The following LRRTM4 variants were observed in gnomAD, a reference collection of about 807,000 sequenced individuals.
LRRTM4 encodes the protein leucine-rich repeat transmembrane neuronal protein 4.
A neutral mutation model predicts 47.6 loss-of-function variants in LRRTM4; 25 were observed. The observed-to-expected ratio is 0.53, with a 90% CI of 0.38 to 0.73. LRRTM4 has a LOEUF of 0.73. LRRTM4 is among the 30% of genes least tolerant of loss of function. The probability of loss-of-function intolerance (pLI) is 0.00; values close to 1 mark genes in which losing one functional copy is unlikely to be tolerated. For synonymous variants in LRRTM4, 311 were observed against 269.5 expected, an observed-to-expected ratio of 1.15 and a Z score of -1.51; for missense variants, 638 against 713.4, an observed-to-expected ratio of 0.89 and a Z score of 1.20.
intron 3 of LRRTM4, among the ~76,000 whole-genome samples, chr2:76,769,492 G>T (rs1673593355): frequency 6.6e-6 from 1 of 151,492 alleles, no homozygotes; most frequent in Non-Finnish European, 1.5e-5. Context: ...TTTCGGATTT[G>T]AGACGTCTCT....
At chr2:77,231,543 T>C (rs911375028) in intron 3 of LRRTM4, among the ~76,000 whole-genome samples, 3 of 152,076 alleles carry the variant, frequency 2.0e-5, no homozygotes, top group African/African-American at 4.8e-5. Context: ...TAAATGGACA[T>C]ATATAGAGAT....
At chr2:77,379,583 A>T (rs1441498837) in intron 3 of LRRTM4, among the ~76,000 whole-genome samples, 2 of 152,090 alleles carry the variant, frequency 1.3e-5, no homozygotes, top group Admixed American at 6.6e-5. Flanking sequence ...ATTTCACTAC[A>T]TGACTATCGA....
At chr2:77,281,048 A>G (rs1428976748) in intron 3 of LRRTM4, among the ~76,000 whole-genome samples, 2 of 151,930 alleles carry the variant, frequency 1.3e-5, no homozygotes, top group Non-Finnish European at 2.9e-5. Context: ...GTGAACCCAT[A>G]TTGAAGCAGA....
At chr2:77,039,725 T>C (rs1197425711) in intron 3 of LRRTM4, among the ~76,000 whole-genome samples, 1 of 151,292 alleles carries the variant, frequency 6.6e-6, no homozygotes, top group East Asian at 1.9e-4. Context: ...GTTCCCTTTT[T>C]TCATGTTAGT....
At position 77,519,719 on chromosome 2, in the gene LRRTM4, A is replaced by G. The variant is rs1679403765; in HGVS notation, c.150T>C (p.His50=). ...TGTTCTCAGGGATATCTGCGAAAGC[A>G]TGAGACTCACAGTACACAATTTTGC... ...CDGKIVYCES[H]AFADIPENIS... Residue 50 remains histidine, a synonymous_variant, in exon 3 of 4, where the codon CAT becomes CAC. Coordinates refer to ENST00000409884, the MANE Select transcript of LRRTM4 (RefSeq NM_001134745.3). This position sits in a 1 kb window ranked among gnomAD's most constrained non-coding sequence, Gnocchi z 4.6. 6.2e-7 allele frequency: 1 copy of G among 1,613,466 alleles called. No homozygotes were observed. The highest frequency in any genetic ancestry group is 8.5e-7 in the Non-Finnish European group (1 of 1,179,604).
chr2:77,013,949 G>A (rs1431309045), intron 3 of LRRTM4, among the ~76,000 whole-genome samples: 1 of 152,174 alleles, frequency 6.6e-6, no homozygotes, highest in Non-Finnish European at 1.5e-5. Context: ...ATTTAAGGGA[G>A]TTTGACAATA....
chr2:76,826,451 G>A (rs1015035687), intron 3 of LRRTM4, among the ~76,000 whole-genome samples: 2 of 151,596 alleles, frequency 1.3e-5, no homozygotes, highest in East Asian at 1.9e-4. Context: ...ACTATTAAGG[G>A]CAACACTGAG....
intron 3 of LRRTM4, among the ~76,000 whole-genome samples, chr2:77,184,850 C>T (rs1355090339): frequency 1.3e-5 from 2 of 152,046 alleles, no homozygotes; most frequent in Non-Finnish European, 2.9e-5. Flanking sequence ...TTTTTTACTT[C>T]TTACAATGTA....
At chr2:76,968,332 GTA>G (rs1320069509) in intron 3 of LRRTM4, among the ~76,000 whole-genome samples, 19 of 114,982 alleles carry the variant, frequency 1.7e-4, no homozygotes, top group East Asian at 8.4e-4. Context: ...ACAAAAGTGT[GTA>G]TGTGTGTATA....
chr2:76,898,103 TCTA>T (rs1298361473), intron 3 of LRRTM4, among the ~76,000 whole-genome samples: 1 of 152,182 alleles, frequency 6.6e-6, no homozygotes, highest in Non-Finnish European at 1.5e-5. Flanking sequence ...TGGTAAGCCA[TCTA>T]CTGAGTTATA....
intron 3 of LRRTM4, among the ~76,000 whole-genome samples, chr2:76,780,587 C>G (rs1046781176): frequency 2.4e-4 from 37 of 151,806 alleles, no homozygotes; most frequent in Non-Finnish European, 4.6e-4. Flanking sequence ...ACGTAGTTCT[C>G]GAGCCTTGGT....
rs1671296953 is a variant in LRRTM4 at position 76,829,801 on chromosome 2, G to T, written c.1552-80885C>A. Among the ~76,000 whole-genome samples the T allele has an allele frequency of 2.6e-5, 4 of 152,098 alleles. No individual in the cohort carries two copies. The South Asian group carries it at 8.3e-4, about 32-fold the overall frequency. On this transcript the variant is annotated intron_variant, in intron 3 of 3. Transcript: ENST00000409884. ...TTCTTGCTCTTCTCTCCCCTAAAGTGTGAGACCTCTGCCTTGCATTTTAAT... is the reference window on the plus strand; with the variant it reads ...TTCTTGCTCTTCTCTCCCCTAAAGTTTGAGACCTCTGCCTTGCATTTTAAT...
intron 3 of LRRTM4, among the ~76,000 whole-genome samples, chr2:76,981,793 G>C (rs1260233798): frequency 6.6e-6 from 1 of 151,918 alleles, no homozygotes; most frequent in Non-Finnish European, 1.5e-5. Flanking sequence ...CACCAGGCCA[G>C]CATCTTTTTT....
Position 77,178,616 on chromosome 2 carries a change from C to A in LRRTM4, c.1551+339702G>T, listed in dbSNP as rs565160618. Among the ~76,000 whole-genome samples, 17 of 152,092 alleles carry A rather than the reference C, an allele frequency of 1.1e-4. No individual in the cohort carries two copies. In the East Asian group the frequency reaches 1.4e-3, roughly 12 times the overall value. ...CAAACAACAACAACAACAACAACAA[C>A]AAATAATACTTTTTTCTTTACTGTT... On this transcript the variant is annotated intron_variant, in intron 3 of 3. Transcript: ENST00000409884.
chr2:77,471,013 C>T (rs1677169554), intron 3 of LRRTM4, among the ~76,000 whole-genome samples: 1 of 152,030 alleles, frequency 6.6e-6, no homozygotes, highest in Admixed American at 6.6e-5. Context: ...AAACATCCTC[C>T]ATATGTTGCT....
At chr2:77,473,609 C>A (rs1677272917) in intron 3 of LRRTM4, among the ~76,000 whole-genome samples, 1 of 152,064 alleles carries the variant, frequency 6.6e-6, no homozygotes, top group Non-Finnish European at 1.5e-5. Context: ...TACTCACAGA[C>A]CTTGAGCTTT....
intron 3 of LRRTM4, among the ~76,000 whole-genome samples, chr2:76,814,534 AT>A (rs1188026960): frequency 6.6e-6 from 1 of 152,192 alleles, no homozygotes; most frequent in African/African-American, 2.4e-5. Context: ...AAAGACAAGA[AT>A]AAAAAATATC....
chr2:77,428,486 G>GT (rs1675216243), intron 3 of LRRTM4, among the ~76,000 whole-genome samples: 1 of 152,114 alleles, frequency 6.6e-6, no homozygotes. Flanking sequence ...GACTGGCCCT[G>GT]TTCCATAATT....
At chr2:77,308,564 G>A (rs1436813607) in intron 3 of LRRTM4, among the ~76,000 whole-genome samples, 1 of 151,942 alleles carries the variant, frequency 6.6e-6, no homozygotes, top group Admixed American at 6.6e-5. Context: ...ATATAAGCCT[G>A]TATGTATTCT....
Sources: gnomAD v4.1 joint callset for allele counts (sites outside exome capture counted in the v4.1 genomes callset) on GRCh38, gnomAD v4.1.1 for gene constraint, Gnocchi (gnomAD v3.1) non-coding constraint, MANE v1.5 for transcripts, NCBI Gene and HGNC (gene_info 2026-07-23, HGNC 2026-07-21) for gene names.